The following FANCC variants were observed in gnomAD, a reference collection of about 807,000 sequenced individuals.
FANCC encodes the protein FA complementation group C, also known as Fanconi anemia group C protein.
FANCC carries 55 observed loss-of-function variants against 71.3 expected under a neutral mutation model. That is an observed-to-expected ratio of 0.77 (90% CI 0.62 to 0.97). The LOEUF is 0.97. FANCC is among the 50% of genes least tolerant of loss of function. The pLI is 0.00. For synonymous variants in FANCC, 275 were observed against 244.9 expected (o/e 1.12, Z -1.15); for missense variants, 678 against 670.9 (o/e 1.01, Z -0.12).
At chr9:95,221,805 T>C (rs1052262231) in intron 4 of FANCC, among the ~76,000 whole-genome samples, 1 of 152,308 alleles carries the variant, frequency 6.6e-6, no homozygotes, top group East Asian at 1.9e-4. Flanking sequence ...AAAACCACTT[T>C]GAGAGACTGC....
At chr9:95,148,573 T>TA (rs1301354734) in intron 7 of FANCC, among the ~76,000 whole-genome samples, 13 of 152,238 alleles carry the variant, frequency 8.5e-5, no homozygotes, top group African/African-American at 1.2e-4. Flanking sequence ...TCCCAATACT[T>TA]AAAGTCATTT....
rs188704579 is a variant in FANCC at position 95,262,860 on chromosome 9, G to A, written c.-78-13491C>T. On this transcript the variant is annotated intron_variant, in intron 1 of 14. Coordinates refer to ENST00000289081, the MANE Select transcript of FANCC (RefSeq NM_000136.3). ...TGCTAAGTGAAATCAGACAAAATGCGGAAGGACAGATATTCTTTGATTCCA... is the reference window on the plus strand; with the variant it reads ...TGCTAAGTGAAATCAGACAAAATGCAGAAGGACAGATATTCTTTGATTCCA... Among the ~76,000 whole-genome samples the A allele has an allele frequency of 3.0e-4, 46 of 152,222 alleles. 1 individual carries two copies. The highest frequency in any genetic ancestry group is 1.2e-3 in the Admixed American group (19 of 15,294).
At position 95,208,114 on chromosome 9, in the gene FANCC, T is replaced by G. The variant is rs903572344; in HGVS notation, c.345+32535A>C. 3.8e-4 allele frequency among the ~76,000 whole-genome samples: 27 copies of G among 71,870 alleles called. 1 individual carries two copies. The highest frequency in any genetic ancestry group is 2.5e-3 in the South Asian group (5 of 2,020). The allele number at this position is 71,870 out of a possible 152,430, so 47.1% of individuals were successfully genotyped here. On this transcript the variant is annotated intron_variant, in intron 4 of 14. Coordinates refer to ENST00000289081, the MANE Select transcript of FANCC (RefSeq NM_000136.3). ...TTTTTTTTTTTTTTTTTTTTTTTTT[T>G]GTGATGGAGTTTTTCTCTAGTTGCC... is the stretch of plus-strand genomic sequence containing the variant.
chr9:95,244,583 G>T (rs1305633511), intron 3 of FANCC, among the ~76,000 whole-genome samples: 1 of 149,024 alleles, frequency 6.7e-6, no homozygotes, highest in Non-Finnish European at 1.5e-5. Flanking sequence ...GGAGGCTGAG[G>T]CAGGAGAATC....
chr9:95,101,658 T>TA lies in FANCC; in HGVS notation c.*48_*49insT. 6.2e-7 allele frequency: 1 copy of TA among 1,610,138 alleles called. No homozygotes were observed. The highest frequency in any genetic ancestry group is 8.5e-7 in the Non-Finnish European group (1 of 1,179,350). ...CAGGTCATCACCTGTCCTGTGGCCCTGGCGAGCCTGATCCCTCACGCCGGG... is the reference window on the plus strand; with the variant it reads ...CAGGTCATCACCTGTCCTGTGGCCCTAGGCGAGCCTGATCCCTCACGCCGGG... On this transcript the variant is annotated 3_prime_UTR_variant, in exon 15 of 15. Coordinates refer to ENST00000289081, the MANE Select transcript of FANCC (RefSeq NM_000136.3).
At chr9:95,131,309 C>T (rs987366806) in intron 8 of FANCC, among the ~76,000 whole-genome samples, 3 of 152,218 alleles carry the variant, frequency 2.0e-5, no homozygotes, top group African/African-American at 4.8e-5. Context: ...CCAATTAGCC[C>T]GGGTAGCCCA....
intron 14 of FANCC, among the ~76,000 whole-genome samples, chr9:95,106,714 C>T (rs961343714): frequency 2.0e-5 from 3 of 152,210 alleles, no homozygotes; most frequent in Non-Finnish European, 1.5e-5. Flanking sequence ...CCATTCTCAT[C>T]GTGGCCTTAC....
intron 6 of FANCC, among the ~76,000 whole-genome samples, chr9:95,155,343 AAGGGAGGG>A (rs1232805962): frequency 1.1e-4 from 3 of 26,394 alleles, no homozygotes; most frequent in African/African-American, 1.9e-4. Flanking sequence ...GGAAGGGAGG[AAGGGAGGG>A]AGGGAGGGAG....
At chr9:95,240,906 C>T (rs1791010292) in intron 3 of FANCC, among the ~76,000 whole-genome samples, 163 bp from the exon 4 acceptor site, 1 of 152,226 alleles carries the variant, frequency 6.6e-6, no homozygotes, top group Admixed American at 6.5e-5. Context: ...TGCACATTCT[C>T]TTTCTGCTGA....
chr9:95,256,167 A>T (rs560780111), intron 1 of FANCC, among the ~76,000 whole-genome samples: 1 of 152,322 alleles, frequency 6.6e-6, no homozygotes, highest in African/African-American at 2.4e-5. Context: ...ACAGGCCAAC[A>T]TTCAAATTCA....
intron 1 of FANCC, among the ~76,000 whole-genome samples, chr9:95,303,167 C>T (rs532281463): frequency 6.3e-4 from 96 of 152,116 alleles, no homozygotes; most frequent in Non-Finnish European, 1.1e-3. Flanking sequence ...GGCTTCTGAA[C>T]GCATGCAATA....
chr9:95,196,898 C>A (rs1397731045), intron 4 of FANCC, among the ~76,000 whole-genome samples: 2 of 152,218 alleles, frequency 1.3e-5, no homozygotes, highest in Non-Finnish European at 2.9e-5. Context: ...CTGGCAGACA[C>A]CCCTAGTCCT....
intron 1 of FANCC, among the ~76,000 whole-genome samples, chr9:95,262,602 C>A (rs1030548433): frequency 6.6e-6 from 1 of 152,128 alleles, no homozygotes; most frequent in South Asian, 2.1e-4. Context: ...TACCATTGAT[C>A]CAGCAATCCC....
intron 4 of FANCC, among the ~76,000 whole-genome samples, chr9:95,218,360 T>C (rs1023939906): frequency 7.2e-5 from 11 of 152,076 alleles, no homozygotes; most frequent in African/African-American, 2.4e-4. Context: ...AGCTACACAG[T>C]AGGCTGAGGT....
intron 6 of FANCC, among the ~76,000 whole-genome samples, chr9:95,164,003 T>C (rs1830915439): frequency 6.6e-6 from 1 of 152,262 alleles, no homozygotes; most frequent in South Asian, 2.1e-4. Context: ...TGCTTATTCC[T>C]AAATATTTTA....
chr9:95,241,361 CT>C (rs1830616616), intron 3 of FANCC, among the ~76,000 whole-genome samples: 1 of 152,176 alleles, frequency 6.6e-6, no homozygotes, highest in Non-Finnish European at 1.5e-5. Context: ...AAATGTAAAT[CT>C]TTATAAAACT....
chr9:95,284,314 C>T (rs1349549663), intron 1 of FANCC, among the ~76,000 whole-genome samples: 1 of 152,170 alleles, frequency 6.6e-6, no homozygotes, highest in Non-Finnish European at 1.5e-5. Context: ...CAAGATTTTG[C>T]TAAGCCAGTT....
At chr9:95,200,727 A>G (rs139314525) in intron 4 of FANCC, among the ~76,000 whole-genome samples, 14 of 152,326 alleles carry the variant, frequency 9.2e-5, no homozygotes, top group Middle Eastern at 6.8e-3. Flanking sequence ...TAAAATCTAA[A>G]GTATTAATGT....
chr9:95,145,709 A>G (rs1829440881), intron 7 of FANCC, among the ~76,000 whole-genome samples: 2 of 152,224 alleles, frequency 1.3e-5, no homozygotes, highest in Admixed American at 6.5e-5. Flanking sequence ...GAACCAGAAC[A>G]GAAGGTAACA....
Sources: allele counts gnomAD v4.1 joint callset (sites outside exome capture counted in the v4.1 genomes callset), GRCh38; gene constraint gnomAD v4.1.1; transcripts MANE v1.5; gene names NCBI Gene and HGNC (gene_info 2026-07-23, HGNC 2026-07-21).